The following CDH4 variants were observed in gnomAD, a reference collection of about 807,000 sequenced individuals.
CDH4 encodes the protein cadherin 4.
CDH4 carries 33 observed loss-of-function variants against 86.0 expected under a neutral mutation model. That is an observed-to-expected ratio of 0.38 (90% CI 0.29 to 0.51). CDH4 has a LOEUF of 0.51. Ranked by LOEUF, CDH4 falls within the 20% of genes least tolerant of loss-of-function variation. The probability of loss-of-function intolerance (pLI) is 0.86; values close to 1 mark genes in which losing one functional copy is unlikely to be tolerated. For missense variants in CDH4, 1,114 were observed against 1,307.4 expected, an observed-to-expected ratio of 0.85 and a Z score of 2.28; for synonymous variants, 555 against 549.4, an observed-to-expected ratio of 1.01 and a Z score of -0.14.
chr20:61,291,822 T>G (rs982429628), intron 2 of CDH4, among the ~76,000 whole-genome samples: 10 of 152,174 alleles, frequency 6.6e-5, no homozygotes, highest in African/African-American at 1.9e-4. Flanking sequence ...AAGGGCTTAT[T>G]ATACATATCA....
At chr20:61,839,293 T>G (rs1982026864) in intron 4 of CDH4, among the ~76,000 whole-genome samples, 1 of 151,046 alleles carries the variant, frequency 6.6e-6, no homozygotes, top group South Asian at 2.1e-4. Flanking sequence ...CATGGGGGAG[T>G]GTGTGTGTGT....
chr20:61,754,481 C>T lies in CDH4; in HGVS notation c.396+10692C>T, dbSNP rs2088534728. Among the ~76,000 whole-genome samples, 1 of 152,152 alleles carries T rather than the reference C, an allele frequency of 6.6e-6. No individual in the cohort carries two copies. The highest frequency in any genetic ancestry group is 2.1e-4 in the South Asian group (1 of 4,834). ...CAGGCCCTTCCACTGCCCCTGCTGT[C>T]CCCCTGCCCACTGCAGGCTCCACAG... On this transcript the variant is annotated intron_variant, in intron 3 of 15. Transcript: ENST00000614565. This position sits in a 1 kb window ranked among gnomAD's most constrained non-coding sequence, Gnocchi z 4.7.
Position 61,939,673 on chromosome 20 carries a change from C to CTG in CDH4, c.*2731_*2732dup, listed in dbSNP as rs2055240276. On this transcript the variant is annotated 3_prime_UTR_variant, in exon 16 of 16. Coordinates refer to ENST00000614565, the MANE Select transcript of CDH4 (RefSeq NM_001794.5). ...ACTGCCTATAATCAGGGGACTCCCA[C>CTG]TGGAGGCCGGGAGGCCAATGCTGGC... 1 of 152,314 alleles carries CTG rather than the reference C, an allele frequency of 6.6e-6. No individual in the cohort carries two copies. Among genetic ancestry groups the CTG allele is most frequent in the African/African-American group, 2.4e-5 (1 of 41,480 alleles). The allele number at this position is 152,314 out of a possible 1,614,324, so 9.4% of individuals were successfully genotyped here. A position where few individuals can be genotyped will look rare whatever the true frequency, so the allele number is the denominator to read the frequency against.
chr20:61,543,539 GA>G (rs2086055458), intron 2 of CDH4, among the ~76,000 whole-genome samples: 1 of 152,162 alleles, frequency 6.6e-6, no homozygotes, highest in Non-Finnish European at 1.5e-5. Flanking sequence ...TGTTACTTAT[GA>G]CATTGCCAAA....
chr20:61,906,686 G>T (rs1008175927), intron 8 of CDH4, among the ~76,000 whole-genome samples: 2 of 152,044 alleles, frequency 1.3e-5, no homozygotes, highest in Non-Finnish European at 2.9e-5. Context: ...GGGCAAGACG[G>T]TGTCCCCAGC....
chr20:61,460,528 A>G (rs1015193189), intron 2 of CDH4, among the ~76,000 whole-genome samples: 2 of 152,144 alleles, frequency 1.3e-5, no homozygotes, highest in Non-Finnish European at 2.9e-5. Flanking sequence ...GCCTCATTTT[A>G]CAAGGGTCCA....
chr20:61,928,090 T>G (rs1304625256), intron 11 of CDH4, 100 bp from the exon 12 acceptor site: 11 of 887,152 alleles, frequency 1.2e-5, no homozygotes, highest in Non-Finnish European at 2.0e-5. Context: ...TCCCTGTGTA[T>G]GTTGCACGTG....
At chr20:61,795,627 G>T (rs376750046) in intron 4 of CDH4, among the ~76,000 whole-genome samples, 1 of 152,200 alleles carries the variant, frequency 6.6e-6, no homozygotes, top group East Asian at 1.9e-4. Context: ...AGGGCATCAA[G>T]GCAGAGAGAA....
At chr20:61,402,316 A>G (rs2085053870) in intron 2 of CDH4, among the ~76,000 whole-genome samples, 1 of 152,218 alleles carries the variant, frequency 6.6e-6, no homozygotes, top group African/African-American at 2.4e-5. Flanking sequence ...TGTAAATGCT[A>G]TGTAAATAGT....
At chr20:61,374,610 A>AC (rs1365629457) in intron 2 of CDH4, among the ~76,000 whole-genome samples, 2 of 151,936 alleles carry the variant, frequency 1.3e-5, no homozygotes, top group Non-Finnish European at 2.9e-5. Flanking sequence ...AGTTCTAAGC[A>AC]CCCCCCAACC....
intron 2 of CDH4, among the ~76,000 whole-genome samples, chr20:61,382,970 C>T (rs117603132): frequency 1.3e-5 from 2 of 149,836 alleles, no homozygotes; most frequent in African/African-American, 2.5e-5. Flanking sequence ...TCAATCGGTA[C>T]ACAGACAAAA....
intron 4 of CDH4, among the ~76,000 whole-genome samples, chr20:61,775,731 C>T (rs1052223271): frequency 8.5e-5 from 13 of 152,192 alleles, no homozygotes; most frequent in Non-Finnish European, 1.9e-4. Context: ...TGAGGGCCCT[C>T]ATCTGCTTGC....
intron 2 of CDH4, among the ~76,000 whole-genome samples, chr20:61,622,665 G>A (rs1223809307): frequency 6.6e-6 from 1 of 152,230 alleles, no homozygotes; most frequent in East Asian, 1.9e-4. Context: ...CACTGGAGTG[G>A]GGTTTCCTGA....
chr20:61,826,962 A>AGTGTGTATGTGT lies in CDH4; in HGVS notation c.577-17700_577-17699insATGTGTGTGTGT, dbSNP rs770422600. ...AGCTATTACCATTTAAGAAGGGAAA[A>AGTGTGTATGTGT]GTGTGTGTGTGTGTGTGTGTGTGTG... On this transcript the variant is annotated intron_variant, in intron 4 of 15. Transcript: ENST00000614565. Among the ~76,000 whole-genome samples, 94 of 146,084 alleles carry AGTGTGTATGTGT rather than the reference A, an allele frequency of 6.4e-4. 2 individuals carry two copies. The highest frequency in any genetic ancestry group is 3.5e-3 in the Middle Eastern group (1 of 286).
intron 2 of CDH4, among the ~76,000 whole-genome samples, chr20:61,698,324 G>A (rs921311330): frequency 7.9e-5 from 12 of 152,242 alleles, no homozygotes; most frequent in African/African-American, 2.2e-4. Context: ...GCACAGAGTC[G>A]AGCCTTCAAG....
chr20:61,702,698 G>C (rs986930202), intron 2 of CDH4, among the ~76,000 whole-genome samples: 24 of 152,238 alleles, frequency 1.6e-4, no homozygotes, highest in African/African-American at 5.3e-4. Context: ...TTGAGCTGCA[G>C]ATTCAAAAGT....
At chr20:61,610,422 C>T (rs971037880) in intron 2 of CDH4, among the ~76,000 whole-genome samples, 7 of 152,266 alleles carry the variant, frequency 4.6e-5, no homozygotes, top group African/African-American at 1.7e-4. Context: ...AAGTTGATTC[C>T]ATCTCTTAGC....
At chr20:61,687,329 A>G (rs1201520081) in intron 2 of CDH4, among the ~76,000 whole-genome samples, 1 of 152,060 alleles carries the variant, frequency 6.6e-6, no homozygotes, top group Non-Finnish European at 1.5e-5. Context: ...GGAGTTTCTT[A>G]CACAACCTCG....
chr20:61,700,875 G>T (rs1012701617), intron 2 of CDH4, among the ~76,000 whole-genome samples: 1 of 152,212 alleles, frequency 6.6e-6, no homozygotes, highest in African/African-American at 2.4e-5. Flanking sequence ...TCTTGACAGC[G>T]GACCGACATC....
Sources: allele counts gnomAD v4.1 joint callset (sites outside exome capture counted in the v4.1 genomes callset), GRCh38; gene constraint gnomAD v4.1.1; non-coding constraint Gnocchi (gnomAD v3.1); transcripts MANE v1.5; gene names NCBI Gene and HGNC (gene_info 2026-07-23, HGNC 2026-07-21).